FANCI: variants seen among roughly 807,000 people sequenced by gnomAD.
The protein encoded by FANCI is FA complementation group I.
FANCI carries 156 observed loss-of-function variants against 176.1 expected under a neutral mutation model. That is an observed-to-expected ratio of 0.89 (90% confidence interval 0.78 to 1.01). FANCI has a LOEUF of 1.01. FANCI is among the 50% of genes least tolerant of loss of function. FANCI has a pLI of 0.00. For synonymous variants in FANCI, 613 were observed against 541.7 expected, an observed-to-expected ratio of 1.13 and a Z score of -1.83; for missense variants, 1,678 against 1,534.1, an observed-to-expected ratio of 1.09 and a Z score of -1.57.
intron 4 of FANCI, among the ~76,000 whole-genome samples, chr15:89,261,170 C>A (rs2052697231): frequency 6.6e-6 from 1 of 152,046 alleles, no homozygotes; most frequent in Non-Finnish European, 1.5e-5. Context: ...ACTTGGGAGG[C>A]TGAGGCAGGA....
chr15:89,292,463 T>G (rs2054104863), intron 20 of FANCI, among the ~76,000 whole-genome samples: 2 of 152,220 alleles, frequency 1.3e-5, no homozygotes, highest in Non-Finnish European at 2.9e-5. Flanking sequence ...TGTTGCATTT[T>G]GAGGTGTCAG....
Position 89,272,412 on chromosome 15 carries a change from A to AT in FANCI, c.883-959dup, listed in dbSNP as rs539241814. 5.0e-3 allele frequency among the ~76,000 whole-genome samples: 759 copies of AT among 151,986 alleles called. 2 individuals are homozygous for AT. The highest frequency in any genetic ancestry group is 0.012 in the South Asian group (56 of 4,814). ...TTTATCAGGTATATAATTAGCAAATATTTTTTCTCAGTCTGTGACTTGTCT... is the reference window on the plus strand; with the variant it reads ...TTTATCAGGTATATAATTAGCAAATATTTTTTTCTCAGTCTGTGACTTGTCT... On this transcript the variant is annotated intron_variant, in intron 10 of 37. Transcript: ENST00000310775.
Position 89,316,496 on chromosome 15 carries a change from T to TGCTTCATTTTTAC in FANCI, c.*38_*50dup. The TGCTTCATTTTTAC allele has an allele frequency of 6.3e-7, 1 of 1,579,556 alleles. No individual in the cohort carries two copies. The highest frequency in any genetic ancestry group is 8.6e-7 in the Non-Finnish European group (1 of 1,158,642). On this transcript the variant is annotated 3_prime_UTR_variant, in exon 38 of 38. Transcript: ENST00000310775. ...GAGTTAATGTGAACTTTGGGGCTTC[T>TGCTTCATTTTTAC]GCTTCATTTTTACCCAACAAGCAAC...
chr15:89,286,833 A>G (rs1596295244), intron 18 of FANCI, among the ~76,000 whole-genome samples: 1 of 152,204 alleles, frequency 6.6e-6, no homozygotes, highest in Non-Finnish European at 1.5e-5. Flanking sequence ...CAAGTCCCAG[A>G]TAAAGTCTTC....
intron 2 of FANCI, among the ~76,000 whole-genome samples, chr15:89,249,987 C>T (rs1317810296): frequency 6.6e-6 from 1 of 152,072 alleles, no homozygotes; most frequent in African/African-American, 2.4e-5. Context: ...TGGGTAGGTC[C>T]CATAAGGTAG....
At chr15:89,275,083 C>CTT (rs530017776) in intron 12 of FANCI, among the ~76,000 whole-genome samples, 32,145 of 114,672 alleles carry the variant, frequency 0.28, 5,234 homozygotes, top group Non-Finnish European at 0.36. Flanking sequence ...GGCCTTTCTT[C>CTT]TTTTTTTTTT....
At chr15:89,282,825 A>G (rs562980384) in intron 16 of FANCI, 42 of 370,418 alleles carry the variant, frequency 1.1e-4, no homozygotes, top group Non-Finnish European at 1.9e-4. Flanking sequence ...GCAATTTCTT[A>G]CATTTGAGTA....
In FANCI at chr15:89,305,400, C is replaced by A. The variant is rs780439140; in HGVS notation, c.3246C>A (p.Pro1082=). ...TAGTGAATTTGAGAACGGCTGCCCCCACTGTCTGTGTAAGTGTTGTACCTG... is the reference window on the plus strand; with the variant it reads ...TAGTGAATTTGAGAACGGCTGCCCCAACTGTCTGTGTAAGTGTTGTACCTG... ...FAIVNLRTAA[P]TVCLLVLSQA... Residue 1082 remains proline, a synonymous_variant, in exon 30 of 38, where the codon CCC becomes CCA. Transcript: ENST00000310775. 6.2e-6 allele frequency: 10 copies of A among 1,613,500 alleles called. No homozygotes were observed. The highest frequency in any genetic ancestry group is 8.5e-6 in the Non-Finnish European group (10 of 1,179,992).
Position 89,307,605 on chromosome 15 carries a change from T to C in FANCI, c.3592-8T>C, listed in dbSNP as rs185599057. ...GTTACATTGGTTTCCTTCTCCCTTG[T>C]TGTGCAGGTGAAGCTGTCTGGTTCT... is the stretch of plus-strand genomic sequence containing the variant. On this transcript the variant is annotated splice_polypyrimidine_tract_variant and splice_region_variant and intron_variant, in intron 33 of 37. Coordinates refer to ENST00000310775, the MANE Select transcript of FANCI (RefSeq NM_001113378.2). The C allele has an allele frequency of 2.8e-3, 4,473 of 1,614,216 alleles. 11 individuals are homozygous for C. The highest frequency in any genetic ancestry group is 3.5e-3 in the Non-Finnish European group (4,149 of 1,180,042).
chr15:89,290,597 A>C (rs2054024148), intron 19 of FANCI: 1 of 276,442 alleles, frequency 3.6e-6, no homozygotes, highest in African/African-American at 2.1e-5. Context: ...CTGAAAGAAA[A>C]AAGAAATCCA....
chr15:89,310,164 T>G (rs1300083775), intron 34 of FANCI, among the ~76,000 whole-genome samples: 1 of 152,236 alleles, frequency 6.6e-6, no homozygotes, highest in African/African-American at 2.4e-5. Context: ...AAGGGCCAGA[T>G]AGTAAATGTG....
intron 12 of FANCI, 141 bp downstream of exon 12, chr15:89,274,445 A>G: frequency 1.1e-6 from 1 of 946,472 alleles, no homozygotes; most frequent in Admixed American, 2.2e-5. Flanking sequence ...TCATTTTCTT[A>G]AAACTGGTAG....
chr15:89,258,210 G>A (rs759635637), intron 2 of FANCI, among the ~76,000 whole-genome samples: 1 of 152,104 alleles, frequency 6.6e-6, no homozygotes, highest in South Asian at 2.1e-4. Flanking sequence ...TGTCCGCCAG[G>A]TCTCTACTTA....
chr15:89,310,160 C>G (rs190260349), intron 34 of FANCI, among the ~76,000 whole-genome samples: 42 of 152,290 alleles, frequency 2.8e-4, no homozygotes, highest in Admixed American at 1.8e-3. Flanking sequence ...TGTAAAGGGC[C>G]AGATAGTAAA....
At position 89,303,893 on chromosome 15, in the gene FANCI, G is replaced by A. The variant is rs2054615585; in HGVS notation, c.3036G>A (p.Lys1012=). The change falls in exon 28 of 38, where the codon AAG becomes AAA. Residue 1012 remains lysine (K), a synonymous_variant. Coordinates refer to ENST00000310775, the MANE Select transcript of FANCI (RefSeq NM_001113378.2). The part of the protein sequence containing the change: ...QFVQMLSWTS[K]ICKENSREDA... ...TGCAGATGTTATCCTGGACATCAAA[G>A]ATTTGCAAGGAAAACAGCCGGGGTA... The A allele has an allele frequency of 1.2e-6, 2 of 1,614,074 alleles. No individual in the cohort carries two copies. The highest frequency in any genetic ancestry group is 1.3e-5 in the African/African-American group (1 of 75,042).
intron 25 of FANCI, 113 bp from the exon 26 acceptor site, chr15:89,300,187 A>C (rs1309204732): frequency 8.5e-7 from 1 of 1,177,432 alleles, no homozygotes; most frequent in Non-Finnish European, 1.2e-6. Context: ...AAAATTTTAG[A>C]AATTTAAGTC....
intron 36 of FANCI, 106 bp downstream of exon 36, chr15:89,314,813 TTG>T: frequency 2.6e-6 from 2 of 766,032 alleles, no homozygotes; most frequent in South Asian, 1.5e-5. Context: ...TCTGGGCCAT[TTG>T]TGTGTTTGCC....
At position 89,292,751 on chromosome 15, in the gene FANCI, C is replaced by T; in HGVS notation, c.2056C>T (p.Gln686Ter). 6.2e-7 allele frequency: 1 copy of T among 1,613,922 alleles called. No homozygotes were observed. Among genetic ancestry groups the T allele is most frequent in the Non-Finnish European group, 8.5e-7 (1 of 1,179,930 alleles). The change falls in exon 21 of 38, where the codon CAG (glutamine) becomes TAG (stop). Residue 686 changes from glutamine (Q) to a stop codon, truncating the protein, a stop_gained. Coordinates refer to ENST00000310775, the MANE Select transcript of FANCI (RefSeq NM_001113378.2). LOFTEE classifies it high-confidence loss of function. ...AWYKNTVIPL[Q>*]QGEEEEEEEE... is the part of the protein sequence containing the mutation. ...GTATAAGAATACAGTCATACCCTTA[C>T]AGCAGGGAGAGGAGGAAGAGGAGGA...
At chr15:89,285,263 A>G in intron 18 of FANCI, 45 bp downstream of exon 18, 1 of 1,609,526 alleles carries the variant, frequency 6.2e-7, no homozygotes, top group Non-Finnish European at 8.5e-7. Flanking sequence ...CCCAACTAAT[A>G]ATTTTTATTT....
Sources: allele counts gnomAD v4.1 joint callset (sites outside exome capture counted in the v4.1 genomes callset), GRCh38; gene constraint gnomAD v4.1.1; transcripts MANE v1.5; gene names NCBI Gene and HGNC (gene_info 2026-07-23, HGNC 2026-07-21).